Variants in PSPH observed in about 807,000 individuals in gnomAD.
PSPH encodes phosphoserine phosphatase, also known as L-3-phosphoserine phosphatase.
A neutral mutation model predicts 23.4 loss-of-function variants in PSPH; 16 were observed. That is an observed-to-expected ratio of 0.68 (90% CI 0.46 to 1.04). The LOEUF is 1.04. PSPH is among the 50% of genes least tolerant of loss of function. The pLI is 0.00. For synonymous variants in PSPH, 68 were observed against 99.7 expected (o/e 0.68, Z 1.89); for missense variants, 223 against 273.7 (o/e 0.81, Z 1.31).
At position 56,011,485 on chromosome 7, in the gene PSPH, C is replaced by T. The variant is rs886062389; in HGVS notation, c.*277G>A. On this transcript the variant is annotated 3_prime_UTR_variant, in exon 8 of 8. Transcript: ENST00000275605. ...CAGAGCTTGCAGTGAGCCGAGACCG[C>T]GCCACTGCACTCCAGCCTGGGCAAC... is the stretch of plus-strand genomic sequence containing the variant. The T allele has an allele frequency of 4.1e-5, 10 of 242,858 alleles. No homozygotes were observed. Among genetic ancestry groups the T allele is most frequent in the South Asian group, 6.1e-5 (1 of 16,466 alleles). The allele number at this position is 242,858 out of a possible 1,614,324, so 15.0% of individuals were successfully genotyped here.
At chr7:56,050,137 C>T (rs1793816383) in intron 1 of PSPH, among the ~76,000 whole-genome samples, 1 of 152,118 alleles carries the variant, frequency 6.6e-6, no homozygotes, top group Non-Finnish European at 1.5e-5. Flanking sequence ...TGCTACTAGT[C>T]ACATATATAG....
chr7:56,030,808 A>C (rs1280428484), intron 3 of PSPH, among the ~76,000 whole-genome samples: 1 of 152,136 alleles, frequency 6.6e-6, no homozygotes, highest in Admixed American at 6.6e-5. Context: ...CTGAGGCAGG[A>C]GAATCACTTG....
rs1305120596 is a variant in PSPH, at chr7:56,017,240, A to C, written c.415T>G (p.Phe139Val). The C allele has an allele frequency of 6.2e-7, 1 of 1,613,970 alleles. No homozygotes were observed. Among genetic ancestry groups the C allele is most frequent in the African/African-American group, 1.3e-5 (1 of 75,070 alleles). ...NVFANRLKFY[F>V]NGEYAGFDET... ...GTTACTGTTAACATCTTACCGTTAA[A>C]GTAGAATTTCAGCCTATTGGCAAAT... Residue 139 changes from phenylalanine (F) to valine (V), a missense_variant, in exon 6 of 8, where the codon TTT (phenylalanine) becomes GTT (valine). Phe to Val is a conservative substitution (Grantham distance 50). Transcript: ENST00000275605.
At chr7:56,035,941 A>G (rs2116997104) in intron 1 of PSPH, among the ~76,000 whole-genome samples, 1 of 151,660 alleles carries the variant, frequency 6.6e-6, no homozygotes, top group East Asian at 2.0e-4. Flanking sequence ...TTTAAAAAGC[A>G]TAATAGGCCG....
chr7:56,040,152 G>A (rs1047180436), intron 1 of PSPH, among the ~76,000 whole-genome samples: 1 of 151,832 alleles, frequency 6.6e-6, no homozygotes, highest in Non-Finnish European at 1.5e-5. Context: ...AAAGAACACA[G>A]TGAACACAGT....
At chr7:56,022,716 C>T (rs980810501) in intron 3 of PSPH, among the ~76,000 whole-genome samples, 1 of 152,170 alleles carries the variant, frequency 6.6e-6, no homozygotes, top group Non-Finnish European at 1.5e-5. Flanking sequence ...GCTAAACATA[C>T]ACAATGTCGC....
At chr7:56,013,160 C>T (rs1196145427) in intron 7 of PSPH, among the ~76,000 whole-genome samples, 2 of 74,804 alleles carry the variant, frequency 2.7e-5, no homozygotes, top group African/African-American at 4.8e-5. Context: ...TGTGTATACA[C>T]ACACACACAC....
intron 3 of PSPH, among the ~76,000 whole-genome samples, chr7:56,027,211 C>CAA (rs11322718): frequency 1.3e-4 from 15 of 115,446 alleles, no homozygotes; most frequent in East Asian, 7.3e-4. Flanking sequence ...GTCTCAAAAA[C>CAA]AAAAAAAAAA....
At chr7:56,023,405 C>T (rs772929985) in intron 3 of PSPH, among the ~76,000 whole-genome samples, 2 of 151,794 alleles carry the variant, frequency 1.3e-5, no homozygotes, top group African/African-American at 2.4e-5. Flanking sequence ...ACTACAGGTG[C>T]GCACCACTAT....
intron 1 of PSPH, among the ~76,000 whole-genome samples, chr7:56,045,534 T>C (rs1793108980): frequency 6.6e-6 from 1 of 152,072 alleles, no homozygotes; most frequent in Non-Finnish European, 1.5e-5. Flanking sequence ...GATTTGACTT[T>C]ACCCTACTTA....
intron 3 of PSPH, among the ~76,000 whole-genome samples, chr7:56,028,383 C>T (rs1790501861): frequency 6.6e-6 from 1 of 152,060 alleles, no homozygotes; most frequent in Non-Finnish European, 1.5e-5. Context: ...CACCACCACA[C>T]CCAGCTAAGT....
At chr7:56,015,242 A>T in intron 6 of PSPH, 71 bp from the exon 7 acceptor site, 1 of 1,553,324 alleles carries the variant, frequency 6.4e-7, no homozygotes. Context: ...TTCTGCATAG[A>T]TGATATCTTC....
chr7:56,046,798 CAAA>C (rs532617669), intron 1 of PSPH, among the ~76,000 whole-genome samples: 2 of 68,206 alleles, frequency 2.9e-5, no homozygotes, highest in Admixed American at 1.9e-4. Context: ...GACTCCACCT[CAAA>C]AAAAAAAAAA....
intron 3 of PSPH, among the ~76,000 whole-genome samples, chr7:56,031,544 G>A (rs1252994420): frequency 2.0e-5 from 3 of 152,178 alleles, no homozygotes; most frequent in African/African-American, 7.2e-5. Flanking sequence ...CGGGTGCAGT[G>A]GCTCACGCCT....
intron 1 of PSPH, among the ~76,000 whole-genome samples, chr7:56,048,130 T>C (rs1793498812): frequency 6.6e-6 from 1 of 151,928 alleles, no homozygotes; most frequent in Non-Finnish European, 1.5e-5. Context: ...AGTACAAAAA[T>C]TAGCCCGGCA....
intron 3 of PSPH, among the ~76,000 whole-genome samples, chr7:56,029,992 G>GAAAAAAAAAAAAAAAAAAAAAAAAA (rs57929950): frequency 8.1e-6 from 1 of 122,986 alleles, no homozygotes; most frequent in Non-Finnish European, 1.7e-5. Context: ...AAAAAAAAAA[G>GAAAAAAAAAAAAAAAAAAAAAAAAA]AAAAAAAAAA....
chr7:56,036,801 CTAA>C (rs1297884074), intron 1 of PSPH, among the ~76,000 whole-genome samples: 1 of 152,126 alleles, frequency 6.6e-6, no homozygotes, highest in Non-Finnish European at 1.5e-5. Flanking sequence ...CTAGAAGACA[CTAA>C]TGAGTGGTCA....
intron 3 of PSPH, among the ~76,000 whole-genome samples, chr7:56,030,620 C>A (rs906873165): frequency 9.9e-5 from 15 of 152,088 alleles, no homozygotes; most frequent in Non-Finnish European, 2.1e-4. Flanking sequence ...CAGTGATGGC[C>A]AGGTGCGGTG....
chr7:56,011,922 A>T, intron 7 of PSPH, 53 bp from the exon 8 acceptor site: 7 of 1,422,448 alleles, frequency 4.9e-6, no homozygotes, highest in South Asian at 3.6e-5. Context: ...TTATTTATTT[A>T]TTTTTTGGAG....
Sources: gnomAD v4.1 joint callset for allele counts (sites outside exome capture counted in the v4.1 genomes callset) on GRCh38, gnomAD v4.1.1 for gene constraint, MANE v1.5 for transcripts, NCBI Gene and HGNC (gene_info 2026-07-23, HGNC 2026-07-21) for gene names.